The following OCA2 variants were observed in gnomAD, a reference collection of about 807,000 sequenced individuals.
OCA2 encodes P protein.
A neutral mutation model predicts 100.2 loss-of-function variants in OCA2; 77 were observed. The ratio of observed to expected loss-of-function variants is 0.77; its 90% CI spans 0.64 to 0.93. The LOEUF is 0.93. Among genes scored for constraint, OCA2 ranks in the 40% least tolerant of loss-of-function variants. The pLI, the probability that OCA2 is intolerant of heterozygous loss-of-function variation, is 0.00. For missense variants in OCA2, 1,062 were observed against 1,089.1 expected (o/e 0.98, Z 0.35); for synonymous variants, 432 against 439.2 (o/e 0.98, Z 0.21).
chr15:27,948,276 C>T (rs775675564), intron 18 of OCA2, among the ~76,000 whole-genome samples: 117 of 152,236 alleles, frequency 7.7e-4, no homozygotes, highest in African/African-American at 2.6e-3. Context: ...GCTGTGGGAA[C>T]GCAACGGGGT....
intron 2 of OCA2, among the ~76,000 whole-genome samples, chr15:28,046,531 T>G (rs992947736): frequency 6.6e-6 from 1 of 152,132 alleles, no homozygotes; most frequent in Non-Finnish European, 1.5e-5. Context: ...CCCAGTCGCA[T>G]CATGCTCCAT....
chr15:27,809,104 TC>T (rs1222332231), intron 23 of OCA2, among the ~76,000 whole-genome samples: 3 of 152,168 alleles, frequency 2.0e-5, no homozygotes, highest in Non-Finnish European at 4.4e-5. Context: ...TCAAAGAACT[TC>T]CTCTTGCCCT....
intron 18 of OCA2, among the ~76,000 whole-genome samples, chr15:27,945,163 C>A (rs2039788110): frequency 6.6e-6 from 1 of 152,100 alleles, no homozygotes; most frequent in Non-Finnish European, 1.5e-5. Context: ...ATTAGGAAGC[C>A]TTGGGAATGT....
chr15:27,842,280 G>A (rs1019979902), intron 23 of OCA2, among the ~76,000 whole-genome samples: 13 of 152,212 alleles, frequency 8.5e-5, no homozygotes, highest in African/African-American at 2.9e-4. Flanking sequence ...CAGGAAAAAT[G>A]TAAGAAAACA....
At chr15:27,821,534 C>T (rs529061813) in intron 23 of OCA2, among the ~76,000 whole-genome samples, 108 of 152,230 alleles carry the variant, frequency 7.1e-4, no homozygotes, top group African/African-American at 2.5e-3. Context: ...ATAATTCACA[C>T]ATGCACACAT....
intron 6 of OCA2, 77 bp from the exon 7 acceptor site, chr15:28,018,634 T>TGTCAGAGGAGGGTGTG: frequency 7.3e-7 from 1 of 1,360,700 alleles, no homozygotes; most frequent in Non-Finnish European, 1.0e-6. Flanking sequence ...ACGCACACCC[T>TGTCAGAGGAGGGTGTG]CCTCTGACAG....
At chr15:28,054,554 C>G (rs965522331) in intron 2 of OCA2, among the ~76,000 whole-genome samples, 16 of 152,176 alleles carry the variant, frequency 1.1e-4, no homozygotes, top group African/African-American at 3.9e-4. Context: ...CTCAATACAT[C>G]ACGTTTCATG....
intron 7 of OCA2, among the ~76,000 whole-genome samples, chr15:28,017,985 C>T (rs563214935): frequency 6.6e-6 from 1 of 152,174 alleles, no homozygotes; most frequent in East Asian, 1.9e-4. Context: ...GATACAGCAG[C>T]TCAGAACGTA....
At chr15:27,813,415 C>T (rs2034158178) in intron 23 of OCA2, among the ~76,000 whole-genome samples, 4 of 152,208 alleles carry the variant, frequency 2.6e-5, no homozygotes, top group Admixed American at 6.5e-5. Context: ...TCCACATTCA[C>T]ACATACACAC....
intron 23 of OCA2, among the ~76,000 whole-genome samples, chr15:27,765,055 G>A (rs947920572): frequency 6.6e-6 from 1 of 152,130 alleles, no homozygotes; most frequent in Non-Finnish European, 1.5e-5. Context: ...TTTTTAGACT[G>A]TATAGACTAA....
chr15:28,018,348 A>G (rs2042467552), intron 7 of OCA2, 49 bp downstream of exon 7: 2 of 1,577,626 alleles, frequency 1.3e-6, no homozygotes, highest in South Asian at 2.2e-5. Context: ...ATTTATTATG[A>G]GATGAAATGA....
intron 2 of OCA2, among the ~76,000 whole-genome samples, chr15:28,053,308 C>T (rs1019514231): frequency 6.6e-6 from 1 of 152,138 alleles, no homozygotes. Flanking sequence ...CCTTCACACA[C>T]CTGGGAAGGA....
chr15:27,818,939 A>G (rs909945491), intron 23 of OCA2, among the ~76,000 whole-genome samples: 1 of 152,146 alleles, frequency 6.6e-6, no homozygotes, highest in Non-Finnish European at 1.5e-5. Context: ...GTGTCGCCAG[A>G]CCCAGGTAGG....
chr15:28,011,292 C>T (rs1422716409), intron 9 of OCA2, among the ~76,000 whole-genome samples: 1 of 152,064 alleles, frequency 6.6e-6, no homozygotes, highest in African/African-American at 2.4e-5. Flanking sequence ...TAGCAAGACC[C>T]TGATTCTACA....
intron 23 of OCA2, among the ~76,000 whole-genome samples, chr15:27,772,840 C>CAA (rs55814100): frequency 0.29 from 35,496 of 122,544 alleles, 5,406 homozygotes; most frequent in Non-Finnish European, 0.38. Context: ...GACTCTATCT[C>CAA]AAAAAAAAAA....
intron 23 of OCA2, among the ~76,000 whole-genome samples, chr15:27,792,457 C>T (rs946468576): frequency 6.6e-6 from 1 of 152,210 alleles, no homozygotes; most frequent in Non-Finnish European, 1.5e-5. Flanking sequence ...TAAAAATCAT[C>T]TAGTGGCTTG....
At chr15:28,068,830 A>T (rs1336141553) in intron 2 of OCA2, among the ~76,000 whole-genome samples, 1 of 152,272 alleles carries the variant, frequency 6.6e-6, no homozygotes, top group Non-Finnish European at 1.5e-5. Flanking sequence ...AAACAGAATC[A>T]AAAGCAAAAC....
the OCA2 span, among the ~76,000 whole-genome samples, chr15:27,732,200 C>T: frequency 4.6e-5 from 7 of 152,200 alleles, no homozygotes; most frequent in African/African-American, 1.7e-4. Context: ...AATTTGAGAA[C>T]AATGAATTCC....
chr15:28,022,709 A>G, intron 5 of OCA2, 136 bp from the exon 6 acceptor site: 1 of 710,158 alleles, frequency 1.4e-6, no homozygotes. Flanking sequence ...CTTACTCTGA[A>G]TAGCTTTGTC....
Sources: allele counts gnomAD v4.1 joint callset (sites outside exome capture counted in the v4.1 genomes callset), GRCh38; gene constraint gnomAD v4.1.1; transcripts MANE v1.5; gene names NCBI Gene and HGNC (gene_info 2026-07-23, HGNC 2026-07-21).